The following UPF2 variants were observed in gnomAD, a reference collection of about 807,000 sequenced individuals.
UPF2 encodes UPF2 regulator of nonsense mediated mRNA decay, also known as regulator of nonsense transcripts 2.
UPF2 carries 17 observed loss-of-function variants against 141.4 expected under a neutral mutation model. The ratio of observed to expected loss-of-function variants is 0.12; its 90% CI spans 0.08 to 0.18. UPF2 has a LOEUF of 0.18. Ranked by LOEUF, UPF2 falls within the 10% of genes least tolerant of loss-of-function variation. The probability of loss-of-function intolerance (pLI) is 1.00; values close to 1 mark genes in which losing one functional copy is unlikely to be tolerated. For synonymous variants in UPF2, 540 were observed against 498.0 expected, an observed-to-expected ratio of 1.08 and a Z score of -1.12; for missense variants, 1,152 against 1,515.9, an observed-to-expected ratio of 0.76 and a Z score of 3.99.
chr10:11,937,302 A>AT, intron 18 of UPF2, among the ~76,000 whole-genome samples: 1 of 152,226 alleles, frequency 6.6e-6, no homozygotes, highest in South Asian at 2.1e-4. Flanking sequence ...AGGCTTGGAG[A>AT]TAGTAATGTT....
At chr10:12,033,694 T>C (rs910993826) in intron 2 of UPF2, among the ~76,000 whole-genome samples, 2 of 152,110 alleles carry the variant, frequency 1.3e-5, no homozygotes, top group African/African-American at 4.8e-5. Flanking sequence ...TAAAAATAAA[T>C]AAGTTATATA....
At chr10:12,020,840 A>G (rs1267582680) in intron 3 of UPF2, among the ~76,000 whole-genome samples, 2 of 152,218 alleles carry the variant, frequency 1.3e-5, no homozygotes, top group Admixed American at 1.3e-4. Flanking sequence ...TCCAGAGTCC[A>G]CGCTCTGAAA....
chr10:12,001,833 A>G lies in UPF2; in HGVS notation c.1505-8T>C. ...CCTTAGATTCTTTTGCCTCTGTTGA[A>G]AAACAAACAAGTATACCTAAATTCA... On this transcript the variant is annotated splice_polypyrimidine_tract_variant and splice_region_variant and intron_variant, in intron 5 of 21. Coordinates refer to ENST00000357604, the MANE Select transcript of UPF2 (RefSeq NM_015542.4). 1 of 1,580,280 alleles carries G rather than the reference A, an allele frequency of 6.3e-7. No homozygotes were observed. The highest frequency in any genetic ancestry group is 2.3e-5 in the East Asian group (1 of 43,918).
rs72775993 is a variant in UPF2 at position 11,925,949 on chromosome 10, T to A, written c.3809+3916A>T. Among the ~76,000 whole-genome samples the A allele has an allele frequency of 7.2e-3, 1,094 of 152,252 alleles. 7 individuals carry two copies. Among genetic ancestry groups the A allele is most frequent in the Non-Finnish European group, 0.011 (722 of 68,024 alleles). On this transcript the variant is annotated intron_variant, in intron 21 of 21. Coordinates refer to ENST00000357604, the MANE Select transcript of UPF2 (RefSeq NM_015542.4). ...TTAAGCAGAAGGGCACACACAGATA[T>A]CAAATTTGTGTTTTAGAAAGAACAC... is the stretch of plus-strand genomic sequence containing the variant.
At chr10:11,945,242 C>G (rs187168957) in intron 16 of UPF2, among the ~76,000 whole-genome samples, 1 of 152,168 alleles carries the variant, frequency 6.6e-6, no homozygotes, top group Non-Finnish European at 1.5e-5. Context: ...AAGTCACCCC[C>G]ACTCTTCAAA....
chr10:12,025,971 T>G (rs771386117), intron 3 of UPF2, among the ~76,000 whole-genome samples: 7 of 152,118 alleles, frequency 4.6e-5, no homozygotes, highest in African/African-American at 1.7e-4. Context: ...TTTTTATATT[T>G]TTTGTAGCAA....
chr10:12,034,508 C>T (rs1464300392), intron 2 of UPF2, among the ~76,000 whole-genome samples: 1 of 151,566 alleles, frequency 6.6e-6, no homozygotes, highest in African/African-American at 2.4e-5. Flanking sequence ...GAAAAAAAGT[C>T]TTTAAAAAAT....
chr10:11,962,097 C>CT (rs1292237776), intron 11 of UPF2, among the ~76,000 whole-genome samples: 2 of 152,190 alleles, frequency 1.3e-5, no homozygotes, highest in African/African-American at 4.8e-5. Flanking sequence ...CATCATTTAA[C>CT]TTATCACTCG....
chr10:11,976,378 T>C (rs1833507086), intron 9 of UPF2, among the ~76,000 whole-genome samples: 2 of 152,314 alleles, frequency 1.3e-5, no homozygotes, highest in South Asian at 4.1e-4. Context: ...TTTTAGTTCT[T>C]TTAGAAGACA....
intron 13 of UPF2, 69 bp from the exon 14 acceptor site, chr10:11,955,576 T>C (rs1382990537): frequency 1.4e-6 from 2 of 1,424,972 alleles, no homozygotes; most frequent in South Asian, 1.4e-5. Flanking sequence ...GTTAAACTTG[T>C]CTCTGTAACT....
chr10:12,038,417 CACAA>C (rs1404818821), intron 1 of UPF2, among the ~76,000 whole-genome samples: 2 of 136,180 alleles, frequency 1.5e-5, no homozygotes, highest in African/African-American at 5.5e-5. Flanking sequence ...CACACACACA[CACAA>C]ATTACCTTTA....
At chr10:11,947,975 C>T (rs979536163) in intron 16 of UPF2, among the ~76,000 whole-genome samples, 5 of 151,590 alleles carry the variant, frequency 3.3e-5, no homozygotes, top group African/African-American at 1.2e-4. Flanking sequence ...AGGCCAGGTG[C>T]GGTGGCTCAT....
chr10:12,014,146 C>T lies in UPF2; in HGVS notation c.1184G>A (p.Arg395Lys). 1 of 1,552,604 alleles carries T rather than the reference C, an allele frequency of 6.4e-7. No homozygotes were observed. The highest frequency in any genetic ancestry group is 2.4e-5 in the East Asian group (1 of 41,700). The change falls in exon 4 of 22, where the codon AGA (arginine) becomes AAA (lysine). Residue 395 changes from arginine to lysine, a missense_variant. This residue lies in a region of UPF2 where 739 missense variants were observed against 1,032.2 expected (regional missense o/e 0.72). Coordinates refer to ENST00000357604, the MANE Select transcript of UPF2 (RefSeq NM_015542.4). This position sits in a 1 kb window ranked among gnomAD's most constrained non-coding sequence, Gnocchi z 5.0. ...AGCAAATTCCTCATACTGTTTATGT[C>T]TATCTTCACTGAGCTCCCCTTTAGA... ...LHSKGELSEDRHKQYEEFAMS... is the reference protein window; with the variant it reads ...LHSKGELSEDKHKQYEEFAMS...
chr10:12,034,713 G>A (rs1834591099), intron 2 of UPF2, among the ~76,000 whole-genome samples: 2 of 152,074 alleles, frequency 1.3e-5, no homozygotes, highest in Non-Finnish European at 2.9e-5. Flanking sequence ...GCTGAGGCAG[G>A]AGAATCACTT....
chr10:12,015,132 A>G (rs1446855288), intron 3 of UPF2, among the ~76,000 whole-genome samples: 2 of 152,244 alleles, frequency 1.3e-5, no homozygotes, highest in East Asian at 1.9e-4. Context: ...TTTATAAACC[A>G]TAATGCAAAT....
intron 9 of UPF2, among the ~76,000 whole-genome samples, chr10:11,978,109 G>C (rs1293566141): frequency 6.6e-6 from 1 of 152,104 alleles, no homozygotes; most frequent in African/African-American, 2.4e-5. Context: ...TATATTTAAG[G>C]ATTAATTTTT....
chr10:11,956,997 T>C lies in UPF2; in HGVS notation c.2371-474A>G, dbSNP rs748200967. Among the ~76,000 whole-genome samples the C allele has an allele frequency of 8.5e-5, 13 of 152,320 alleles. No individual in the cohort carries two copies. Among genetic ancestry groups the C allele is most frequent in the Middle Eastern group, 3.4e-3 (1 of 294 alleles). On this transcript the variant is annotated intron_variant, in intron 12 of 21. Transcript: ENST00000357604. The surrounding 1 kb of genome is among the most constrained non-coding windows in gnomAD (Gnocchi z 4.2). The stretch of plus-strand genomic sequence containing the variant: ...TAGCATGCCTGGCTAATTTTTATAT[T>C]TTTTGTAGAGGCGAGATCTTCCTAT...
chr10:11,931,123 G>A lies in UPF2; in HGVS notation c.3688+518C>T, dbSNP rs894554969. ...CCAGGACTCCAAGTAGACAAAAGGA[G>A]GTAAATACAGTCGTGTGCCGCGTGA... On this transcript the variant is annotated intron_variant, in intron 20 of 21. Transcript: ENST00000357604. This position sits in a 1 kb window ranked among gnomAD's most constrained non-coding sequence, Gnocchi z 5.9. Among the ~76,000 whole-genome samples the A allele has an allele frequency of 3.9e-5, 6 of 152,180 alleles. No homozygotes were observed. The highest frequency in any genetic ancestry group is 1.4e-4 in the African/African-American group (6 of 41,464).
intron 9 of UPF2, among the ~76,000 whole-genome samples, chr10:11,970,067 T>C (rs1023786995): frequency 6.6e-6 from 1 of 152,194 alleles, no homozygotes; most frequent in Non-Finnish European, 1.5e-5. Context: ...AGAGTTAGAA[T>C]GTCTGTGCTC....
Sources: allele counts gnomAD v4.1 joint callset (sites outside exome capture counted in the v4.1 genomes callset), GRCh38; gene constraint gnomAD v4.1.1; regional missense constraint gnomAD v4.1.1; non-coding constraint Gnocchi (gnomAD v3.1); transcripts MANE v1.5; gene names NCBI Gene and HGNC (gene_info 2026-07-23, HGNC 2026-07-21).